Variants in QTMAN observed in about 807,000 individuals in gnomAD.
QTMAN encodes queuosine-tRNA mannosyltransferase.
At chr2:143,967,315 G>A in the QTMAN span, among the ~76,000 whole-genome samples, 63 of 152,082 alleles carry the variant, frequency 4.1e-4, no homozygotes, top group African/African-American at 1.3e-3. Context: ...CTTCTGGCTA[G>A]GTATCACATA....
At chr2:144,008,587 AG>A in the QTMAN span, among the ~76,000 whole-genome samples, 1 of 152,028 alleles carries the variant, frequency 6.6e-6, no homozygotes, top group African/African-American at 2.4e-5. Context: ...AGAGTTCCTG[AG>A]CCCCATCCAG....
the QTMAN span, among the ~76,000 whole-genome samples, chr2:144,019,774 T>C: frequency 6.6e-6 from 1 of 152,290 alleles, no homozygotes; most frequent in East Asian, 1.9e-4. Flanking sequence ...CACCCATTCA[T>C]TGGTGATGTT....
chr2:144,201,152 G>A, the QTMAN span, among the ~76,000 whole-genome samples: 35 of 152,262 alleles, frequency 2.3e-4, no homozygotes, highest in African/African-American at 7.7e-4. Flanking sequence ...TATTACAGAG[G>A]CAGAAAAAGA....
chr2:144,192,564 C>A, the QTMAN span, among the ~76,000 whole-genome samples: 2 of 151,870 alleles, frequency 1.3e-5, no homozygotes, highest in Non-Finnish European at 2.9e-5. Context: ...TCTCAAGTAG[C>A]AAAAGTAAAA....
At chr2:144,190,047 AATG>A in the QTMAN span, among the ~76,000 whole-genome samples, 2 of 152,186 alleles carry the variant, frequency 1.3e-5, no homozygotes, top group African/African-American at 4.8e-5. Flanking sequence ...TCAGGGTGGT[AATG>A]ATATTACAAT....
the QTMAN span, among the ~76,000 whole-genome samples, chr2:144,232,432 T>C: frequency 6.6e-6 from 1 of 152,244 alleles, no homozygotes; most frequent in African/African-American, 2.4e-5. Flanking sequence ...TTTCCCAGTA[T>C]ATATGGCATA....
chr2:144,283,660 C>T, the QTMAN span, among the ~76,000 whole-genome samples: 1 of 151,968 alleles, frequency 6.6e-6, no homozygotes, highest in Non-Finnish European at 1.5e-5. Flanking sequence ...ATGAAAAAGT[C>T]CCTTCAGAAT....
At chr2:144,020,822 T>C in the QTMAN span, among the ~76,000 whole-genome samples, 9,755 of 151,768 alleles carry the variant, frequency 0.064, 492 homozygotes, top group East Asian at 0.21. Flanking sequence ...ACATTGATAA[T>C]TGCATCCATG....
chr2:143,942,469 A>G, the QTMAN span: 1 of 167,448 alleles, frequency 6.0e-6, no homozygotes, highest in African/African-American at 2.4e-5. Flanking sequence ...GAGAGGCAAC[A>G]CTATGGGGAG....
the QTMAN span, among the ~76,000 whole-genome samples, chr2:144,258,437 G>C: frequency 1.3e-5 from 2 of 152,084 alleles, no homozygotes; most frequent in Non-Finnish European, 2.9e-5. Context: ...AATTCCTTAG[G>C]TTATCAAGGT....
chr2:144,017,555 T>C, the QTMAN span, among the ~76,000 whole-genome samples: 2 of 152,192 alleles, frequency 1.3e-5, no homozygotes, highest in Non-Finnish European at 2.9e-5. Flanking sequence ...CTAGGCATAT[T>C]GACTGGTTGT....
the QTMAN span, chr2:143,947,254 A>G: frequency 5.8e-5 from 41 of 700,868 alleles, no homozygotes; most frequent in Middle Eastern, 3.3e-4. Flanking sequence ...TACATTTCAA[A>G]AAGCCACCAA....
the QTMAN span, among the ~76,000 whole-genome samples, chr2:144,257,327 T>A: frequency 6.6e-5 from 10 of 152,022 alleles, no homozygotes; most frequent in South Asian, 4.1e-4. Flanking sequence ...ATTGGAGTTA[T>A]GATATTAAGT....
At chr2:144,194,510 G>A in the QTMAN span, among the ~76,000 whole-genome samples, 1 of 152,150 alleles carries the variant, frequency 6.6e-6, no homozygotes, top group East Asian at 1.9e-4. Flanking sequence ...TTCACACTGC[G>A]TGGGCTAATA....
At chr2:143,971,019 G>T in the QTMAN span, among the ~76,000 whole-genome samples, 2 of 151,956 alleles carry the variant, frequency 1.3e-5, no homozygotes. Flanking sequence ...GGACAAATCT[G>T]TCTTTTCACA....
the QTMAN span, among the ~76,000 whole-genome samples, chr2:144,250,916 CA>C: frequency 2.0e-5 from 3 of 151,840 alleles, no homozygotes; most frequent in Non-Finnish European, 4.4e-5. Flanking sequence ...CAGCAAGTTC[CA>C]AACAATATTA....
chr2:144,112,178 A>G, the QTMAN span, among the ~76,000 whole-genome samples: 3 of 152,358 alleles, frequency 2.0e-5, 1 homozygote, highest in South Asian at 4.1e-4. Flanking sequence ...ATGACACAAA[A>G]TATCTAGAAA....
the QTMAN span, among the ~76,000 whole-genome samples, chr2:144,227,538 C>T: frequency 2.0e-5 from 3 of 152,110 alleles, no homozygotes; most frequent in Non-Finnish European, 4.4e-5. Context: ...AATATCCATT[C>T]ATTCATTCAA....
At chr2:143,984,231 A>T in the QTMAN span, among the ~76,000 whole-genome samples, 1 of 152,236 alleles carries the variant, frequency 6.6e-6, no homozygotes, top group East Asian at 1.9e-4. Flanking sequence ...TCGAAGCAAC[A>T]AAAACTAGAA....
Sources: gnomAD v4.1 joint callset for allele counts (sites outside exome capture counted in the v4.1 genomes callset) on GRCh38, gnomAD v4.1.1 for gene constraint, MANE v1.5 for transcripts, NCBI Gene and HGNC (gene_info 2026-07-23, HGNC 2026-07-21) for gene names.